The following RYR1 variants were observed in gnomAD, a reference collection of about 807,000 sequenced individuals.
RYR1 encodes ryanodine receptor 1.
In RYR1, 342 loss-of-function variants were observed where a neutral mutation model predicts 583.5. That is an observed-to-expected ratio of 0.59 (90% CI 0.54 to 0.64). The LOEUF is 0.64. RYR1 is among the 30% of genes least tolerant of loss of function. The pLI, the probability that RYR1 is intolerant of heterozygous loss-of-function variation, is 0.00. For missense variants in RYR1, 6,032 were observed against 6,917.2 expected, an observed-to-expected ratio of 0.87 and a Z score of 4.54; for synonymous variants, 2,791 against 2,822.5, an observed-to-expected ratio of 0.99 and a Z score of 0.35.
chr19:38,523,388 C>T, intron 69 of RYR1, 79 bp downstream of exon 69: 2 of 1,558,962 alleles, frequency 1.3e-6, no homozygotes, highest in Non-Finnish European at 8.8e-7. Flanking sequence ...GGCCTGTCCT[C>T]ACCCAGCCAG....
At chr19:38,489,944 G>A (rs1023163018) in intron 35 of RYR1, 132 bp from the exon 36 acceptor site, 6 of 928,976 alleles carry the variant, frequency 6.5e-6, no homozygotes, top group Non-Finnish European at 1.0e-5. Flanking sequence ...CAGGCTTAAG[G>A]TTCCAGGCGG....
chr19:38,561,475 G>A lies in RYR1; in HGVS notation c.12624+21G>A, dbSNP rs537280083. Reference sequence around the variant, plus strand: ...CCCAGGTCAGGGAACCCGCGCGCGTGCAAGCTCGCCTCCTGGGGCTTCGGG... The same window carrying A: ...CCCAGGTCAGGGAACCCGCGCGCGTACAAGCTCGCCTCCTGGGGCTTCGGG... On this transcript the variant is annotated intron_variant, in intron 90 of 105. Coordinates refer to ENST00000359596, the MANE Select transcript of RYR1 (RefSeq NM_000540.3). The surrounding 1 kb of genome is among the most constrained non-coding windows in gnomAD (Gnocchi z 4.8). 24 of 1,596,592 alleles carry A rather than the reference G, an allele frequency of 1.5e-5. No individual in the cohort carries two copies. In the African/African-American group the frequency reaches 3.1e-4, roughly 20 times the overall value.
intron 31 of RYR1, among the ~76,000 whole-genome samples, chr19:38,479,383 T>C (rs538154040): frequency 6.6e-6 from 1 of 152,268 alleles, no homozygotes; most frequent in African/African-American, 2.4e-5. Flanking sequence ...TTGGCATCCA[T>C]TGTTGGTTAT....
chr19:38,518,209 C>CAGGA (rs74176446), intron 66 of RYR1, among the ~76,000 whole-genome samples: 7 of 151,236 alleles, frequency 4.6e-5, no homozygotes, highest in Middle Eastern at 3.4e-3. Flanking sequence ...GGAAGGAAGG[C>CAGGA]AGGAAGGAAG....
Position 38,527,056 on chromosome 19 carries a change from T to C in RYR1, c.10686+4T>C, listed in dbSNP as rs1188156028. 18 of 1,613,660 alleles carry C rather than the reference T, an allele frequency of 1.1e-5. No homozygotes were observed. The highest frequency in any genetic ancestry group is 1.4e-5 in the Non-Finnish European group (17 of 1,179,760). ...CAACCTTCACCTTCAGGGAAAGGTA[T>C]GCCTCCTTCCTCTGCAAGCAAAAGA... On this transcript the variant is annotated splice_donor_region_variant and intron_variant, in intron 72 of 105. Transcript: ENST00000359596.
intron 28 of RYR1, among the ~76,000 whole-genome samples, chr19:38,474,703 T>A (rs914033986): frequency 6.7e-5 from 10 of 150,374 alleles, no homozygotes; most frequent in African/African-American, 2.0e-4. Flanking sequence ...GCCTCTTGAG[T>A]ATCTGGGACT....
intron 76 of RYR1, among the ~76,000 whole-genome samples, chr19:38,531,446 T>G (rs147963760): frequency 1.3e-3 from 196 of 152,028 alleles, no homozygotes; most frequent in Non-Finnish European, 2.4e-3. Context: ...GAACAGGCAC[T>G]GACATGGTGT....
intron 84 of RYR1, among the ~76,000 whole-genome samples, chr19:38,540,154 T>C (rs117155546): frequency 0.023 from 3,465 of 152,182 alleles, 93 homozygotes; most frequent in Admixed American, 0.073. Flanking sequence ...AAAACCTTCC[T>C]GTGCAACATG....
At chr19:38,446,673 C>T (rs751853538) in intron 8 of RYR1, 21 bp from the exon 9 acceptor site, 2 of 1,612,284 alleles carry the variant, frequency 1.2e-6, no homozygotes, top group Non-Finnish European at 1.7e-6. Flanking sequence ...CCCTTGACTT[C>T]ACTCTCTTCT....
At position 38,523,349 on chromosome 19, in the gene RYR1, G is replaced by T. The variant is rs368245899; in HGVS notation, c.10440+40G>T. The T allele has an allele frequency of 8.8e-5, 142 of 1,612,988 alleles. No homozygotes were observed. In the Admixed American group the frequency reaches 9.0e-4, roughly 10 times the overall value. ...CTGGGAGGAGCACTTGGCAGAGAGGGCGGGAGCACCCTCTAGGACTTCCTA... is the reference window on the plus strand; with the variant it reads ...CTGGGAGGAGCACTTGGCAGAGAGGTCGGGAGCACCCTCTAGGACTTCCTA... On this transcript the variant is annotated intron_variant, in intron 69 of 105. Coordinates refer to ENST00000359596, the MANE Select transcript of RYR1 (RefSeq NM_000540.3).
chr19:38,578,811 C>T (rs565825229), intron 99 of RYR1, among the ~76,000 whole-genome samples: 1 of 151,762 alleles, frequency 6.6e-6, no homozygotes, highest in South Asian at 2.1e-4. Context: ...ACAACAAAAA[C>T]ACAAAAAATT....
At position 38,512,435 on chromosome 19, in the gene RYR1, A is replaced by T. The variant is rs751046673; in HGVS notation, c.9424A>T (p.Thr3142Ser). ...TTVALLPVLT[T>S]LFQHIAQHQF... ...TGTGGCACTGCTGCCGGTCCTCACC[A>T]CCCTCTTCCAGCACATCGCCCAGCA... is the stretch of plus-strand genomic sequence containing the variant. Residue 3142 changes from threonine to serine, a missense_variant, in exon 63 of 106, where the codon ACC (threonine) becomes TCC (serine). Physicochemically the swap from Thr to Ser is moderately conservative, Grantham distance 58. Coordinates refer to ENST00000359596, the MANE Select transcript of RYR1 (RefSeq NM_000540.3). This position sits in a 1 kb window ranked among gnomAD's most constrained non-coding sequence, Gnocchi z 5.1. 6.2e-7 allele frequency: 1 copy of T among 1,613,550 alleles called. No individual in the cohort carries two copies. Among genetic ancestry groups the T allele is most frequent in the Admixed American group, 1.7e-5 (1 of 60,016 alleles).
chr19:38,502,779 G>GCAGGGGCAGGGA, intron 48 of RYR1, 52 bp downstream of exon 48: 1 of 966,314 alleles, frequency 1.0e-6, no homozygotes, highest in South Asian at 1.6e-5. Flanking sequence ...AGGGGCAGGG[G>GCAGGGGCAGGGA]CAGGGGCAGG....
At chr19:38,448,916 C>T in intron 11 of RYR1, 103 bp downstream of exon 11, 1 of 1,152,772 alleles carries the variant, frequency 8.7e-7, no homozygotes, top group Non-Finnish European at 1.3e-6. Context: ...TGTACTCCAG[C>T]CTGGGTGACA....
chr19:38,502,850 G>C, intron 48 of RYR1, 30 bp from the exon 49 acceptor site: 9 of 1,603,820 alleles, frequency 5.6e-6, no homozygotes, highest in Non-Finnish European at 6.8e-6. Flanking sequence ...CCTGGACGGG[G>C]GATTCTACAT....
chr19:38,500,211 C>T lies in RYR1; in HGVS notation c.7323+195C>T, dbSNP rs569406455. ...AGAGCTCCCAGTCCAATGGGGGAGA[C>T]GGACAGTGACACCCAGAGTGGTCAG... On this transcript the variant is annotated intron_variant, in intron 45 of 105. Transcript: ENST00000359596. The surrounding 1 kb of genome is among the most constrained non-coding windows in gnomAD (Gnocchi z 5.9). 4.2e-4 allele frequency among the ~76,000 whole-genome samples: 64 copies of T among 152,034 alleles called. No homozygotes were observed. The highest frequency in any genetic ancestry group is 3.9e-3 in the South Asian group (19 of 4,812).
intron 39 of RYR1, 146 bp downstream of exon 39, chr19:38,494,771 G>A: frequency 1.0e-6 from 1 of 994,468 alleles, no homozygotes; most frequent in Non-Finnish European, 1.5e-6. Flanking sequence ...CCTGGGTAAT[G>A]TCTCCTTCCC....
Position 38,499,985 on chromosome 19 carries a change from A to G in RYR1, c.7292A>G (p.Asp2431Gly). The change falls in exon 45 of 106, where the codon GAC becomes GGC. Residue 2431 changes from aspartate to glycine, a missense_variant. This residue lies in a region of RYR1 where 2,627 missense variants were observed against 2,961.3 expected (regional missense o/e 0.89). Transcript: ENST00000359596. The surrounding 1 kb of genome is among the most constrained non-coding windows in gnomAD (Gnocchi z 7.3). ...ATGTCCTTCTATGCCGCCTTGATCG[A>G]CCTGCTCGGACGCTGTGCACCAGAG... ...AIMSFYAALI[D>G]LLGRCAPEMH... 6.2e-7 allele frequency: 1 copy of G among 1,614,044 alleles called. No homozygotes were observed. Among genetic ancestry groups the G allele is most frequent in the Non-Finnish European group, 8.5e-7 (1 of 1,179,996 alleles).
Position 38,499,018 on chromosome 19 carries a change from C to CGCAGGGCAGG in RYR1, c.6892-75_6892-66dup, listed in dbSNP as rs3842417. The CGCAGGGCAGG allele has an allele frequency of 1.7e-5, 26 of 1,549,308 alleles. 1 individual carries two copies. In the South Asian group the frequency reaches 2.0e-4, roughly 12 times the overall value. ...TCAGAGCTGAACCGGACTGAGGAGCCGCAGGGCAGGGCAGGGCAGGGCAGA... is the reference window on the plus strand; with the variant it reads ...TCAGAGCTGAACCGGACTGAGGAGCCGCAGGGCAGGGCAGGGCAGGGCAGGGCAGGGCAGA... On this transcript the variant is annotated intron_variant, in intron 42 of 105. Coordinates refer to ENST00000359596, the MANE Select transcript of RYR1 (RefSeq NM_000540.3). This position sits in a 1 kb window ranked among gnomAD's most constrained non-coding sequence, Gnocchi z 7.3.
Sources: gnomAD v4.1 joint callset for allele counts (sites outside exome capture counted in the v4.1 genomes callset) on GRCh38, gnomAD v4.1.1 for gene constraint, gnomAD v4.1.1 regional missense constraint, Gnocchi (gnomAD v3.1) non-coding constraint, MANE v1.5 for transcripts, NCBI Gene and HGNC (gene_info 2026-07-23, HGNC 2026-07-21) for gene names.